PHACTR1: variants seen among roughly 807,000 people sequenced by gnomAD.
PHACTR1 encodes RPEL repeat containing 1.
A neutral mutation model predicts 69.2 loss-of-function variants in PHACTR1; 16 were observed. The ratio of observed to expected loss-of-function variants is 0.23; its 90% CI spans 0.16 to 0.35. The LOEUF (loss-of-function observed/expected upper bound fraction) is 0.35. PHACTR1 is among the 10% of genes least tolerant of loss of function. The probability of loss-of-function intolerance (pLI) is 1.00; values close to 1 mark genes in which losing one functional copy is unlikely to be tolerated. For synonymous variants in PHACTR1, 312 were observed against 284.5 expected, an observed-to-expected ratio of 1.10 and a Z score of -0.97; for missense variants, 510 against 734.7, an observed-to-expected ratio of 0.69 and a Z score of 3.54.
intron 8 of PHACTR1, among the ~76,000 whole-genome samples, chr6:13,215,881 G>T (rs1767596512): frequency 6.6e-6 from 1 of 152,226 alleles, no homozygotes; most frequent in Non-Finnish European, 1.5e-5. Flanking sequence ...TCAACTAGAT[G>T]CAGGAAAGTT....
At chr6:12,986,834 G>A (rs1796245889) in intron 4 of PHACTR1, among the ~76,000 whole-genome samples, 1 of 152,098 alleles carries the variant, frequency 6.6e-6, no homozygotes, top group Non-Finnish European at 1.5e-5. Flanking sequence ...GACTCAGAAG[G>A]GCAACATAGT....
chr6:13,259,501 C>CGGGAGA (rs2127416001), intron 10 of PHACTR1, among the ~76,000 whole-genome samples: 1 of 152,262 alleles, frequency 6.6e-6, no homozygotes, highest in East Asian at 1.9e-4. Flanking sequence ...TTCTTTTAAG[C>CGGGAGA]GTAACCTGTT....
At chr6:12,923,741 T>A (rs1735643562) in intron 4 of PHACTR1, among the ~76,000 whole-genome samples, 1 of 152,230 alleles carries the variant, frequency 6.6e-6, no homozygotes, top group African/African-American at 2.4e-5. Flanking sequence ...AGATTTGCTC[T>A]TTCCCTTTGC....
At chr6:13,202,782 G>T (rs112830535) in intron 7 of PHACTR1, among the ~76,000 whole-genome samples, 4,270 of 152,316 alleles carry the variant, frequency 0.028, 208 homozygotes, top group African/African-American at 0.097. Context: ...CGCCTGCACT[G>T]AAGCTTCTAA....
intron 4 of PHACTR1, among the ~76,000 whole-genome samples, chr6:12,914,888 G>A (rs1786802406): frequency 1.3e-5 from 2 of 152,220 alleles, no homozygotes; most frequent in South Asian, 4.1e-4. Flanking sequence ...AAGTGTCCTT[G>A]AAGTCCACTG....
intron 4 of PHACTR1, among the ~76,000 whole-genome samples, chr6:12,915,506 C>CAAAAAAAAAAAAAA (rs1225757251): frequency 2.0e-5 from 1 of 50,240 alleles, no homozygotes. Context: ...AACTCTCTCT[C>CAAAAAAAAAAAAAA]AAAAAAAAAA....
chr6:12,994,330 C>G lies in PHACTR1; in HGVS notation c.251-59035C>G, dbSNP rs1021553054. Among the ~76,000 whole-genome samples the G allele has an allele frequency of 6.6e-5, 10 of 152,216 alleles. No individual in the cohort carries two copies. In the South Asian group the frequency reaches 1.2e-3, roughly 19 times the overall value. ...CCTCAAGAGGTGGGATTTTTCCCCC[C>G]CTTGGAGAAGTTAAATCCAAAAGCA... On this transcript the variant is annotated intron_variant, in intron 4 of 14. Coordinates refer to ENST00000332995, the MANE Select transcript of PHACTR1 (RefSeq NM_030948.6).
intron 5 of PHACTR1, among the ~76,000 whole-genome samples, chr6:13,084,933 A>G (rs534401151): frequency 6.6e-6 from 1 of 152,272 alleles, no homozygotes; most frequent in East Asian, 1.9e-4. Context: ...TTCTAATAGA[A>G]AGTAATGAAA....
chr6:12,872,455 C>T (rs1782128992), intron 4 of PHACTR1, among the ~76,000 whole-genome samples: 1 of 152,116 alleles, frequency 6.6e-6, no homozygotes, highest in African/African-American at 2.4e-5. Context: ...CAGACACACA[C>T]ACACATACAT....
chr6:12,816,931 AC>A (rs564524318), intron 4 of PHACTR1, among the ~76,000 whole-genome samples: 44 of 152,312 alleles, frequency 2.9e-4, no homozygotes, highest in South Asian at 4.1e-4. Context: ...CACTTTGCCA[AC>A]CGGGAAGGAC....
At chr6:12,924,762 G>A (rs557890220) in intron 4 of PHACTR1, among the ~76,000 whole-genome samples, 78 of 145,984 alleles carry the variant, frequency 5.3e-4, no homozygotes, top group African/African-American at 1.6e-3. Context: ...GCGACAGAGC[G>A]AGACTCTGTC....
intron 5 of PHACTR1, among the ~76,000 whole-genome samples, chr6:13,116,665 A>G (rs1449006435): frequency 2.6e-5 from 4 of 152,192 alleles, no homozygotes; most frequent in African/African-American, 7.2e-5. Flanking sequence ...TCCACTTGCT[A>G]TATACTTTTT....
intron 5 of PHACTR1, among the ~76,000 whole-genome samples, chr6:13,138,594 G>A (rs1821917236): frequency 6.6e-6 from 1 of 152,154 alleles, no homozygotes; most frequent in Non-Finnish European, 1.5e-5. Flanking sequence ...GAATGTTGTA[G>A]TTCTTACAGG....
intron 3 of PHACTR1, among the ~76,000 whole-genome samples, chr6:12,745,157 T>C (rs78941260): frequency 0.013 from 1,998 of 152,264 alleles, 38 homozygotes; most frequent in African/African-American, 0.045. Flanking sequence ...ATTTTCTTAA[T>C]GGGGATGGAA....
At chr6:12,872,282 TA>T (rs1196123577) in intron 4 of PHACTR1, among the ~76,000 whole-genome samples, 1 of 152,082 alleles carries the variant, frequency 6.6e-6, no homozygotes, top group Non-Finnish European at 1.5e-5. Context: ...ATACCCTAAC[TA>T]AAAACTAGAA....
intron 4 of PHACTR1, among the ~76,000 whole-genome samples, chr6:12,927,825 C>A (rs914537435): frequency 1.3e-5 from 2 of 152,198 alleles, no homozygotes; most frequent in Non-Finnish European, 2.9e-5. Flanking sequence ...ATAGACATAA[C>A]CTTTCTGCAC....
chr6:12,833,699 G>A (rs749499085), intron 4 of PHACTR1, among the ~76,000 whole-genome samples: 51 of 152,132 alleles, frequency 3.4e-4, no homozygotes, highest in Admixed American at 1.8e-3. Flanking sequence ...TACACACATG[G>A]ACATGCACAT....
chr6:13,037,250 T>C (rs562690238), intron 4 of PHACTR1, among the ~76,000 whole-genome samples: 1 of 152,208 alleles, frequency 6.6e-6, no homozygotes, highest in Admixed American at 6.5e-5. Context: ...AGATACAGAA[T>C]AGGTATCTCT....
At chr6:13,147,259 T>C (rs747769942) in intron 5 of PHACTR1, among the ~76,000 whole-genome samples, 1 of 152,246 alleles carries the variant, frequency 6.6e-6, no homozygotes, top group South Asian at 2.1e-4. Flanking sequence ...CGAATTTGAT[T>C]TGAAGTTCCC....
Sources: allele counts gnomAD v4.1 joint callset (sites outside exome capture counted in the v4.1 genomes callset), GRCh38; gene constraint gnomAD v4.1.1; transcripts MANE v1.5; gene names NCBI Gene and HGNC (gene_info 2026-07-23, HGNC 2026-07-21).